Variants in GIGYF2 observed in about 807,000 individuals in gnomAD.
GIGYF2 encodes the protein GRB10 interacting GYF protein 2.
In GIGYF2, 25 loss-of-function variants were observed where a neutral mutation model predicts 208.1. That is an observed-to-expected ratio of 0.12 (90% CI 0.09 to 0.17). The LOEUF (loss-of-function observed/expected upper bound fraction) is 0.17. GIGYF2 is among the 10% of genes least tolerant of loss of function. The pLI is 1.00. For synonymous variants in GIGYF2, 534 were observed against 543.8 expected (o/e 0.98, Z 0.25); for missense variants, 1,302 against 1,579.4 (o/e 0.82, Z 2.98).
intron 12 of GIGYF2, among the ~76,000 whole-genome samples, chr2:232,791,739 G>A (rs1293708681): frequency 1.3e-5 from 2 of 152,126 alleles, no homozygotes; most frequent in Admixed American, 1.3e-4. Flanking sequence ...CATAGCCTTT[G>A]CATTAGTTTG....
At chr2:232,786,938 T>A (rs1202132788) in intron 8 of GIGYF2, among the ~76,000 whole-genome samples, 1 of 152,168 alleles carries the variant, frequency 6.6e-6, no homozygotes, top group East Asian at 1.9e-4. Context: ...TTACATAATA[T>A]TTTTGTTTAA....
intron 9 of GIGYF2, among the ~76,000 whole-genome samples, chr2:232,790,203 G>C (rs189024972): frequency 6.6e-6 from 1 of 152,242 alleles, no homozygotes; most frequent in East Asian, 1.9e-4. Context: ...TTAATAAATA[G>C]TCATGATGAG....
In GIGYF2 at chr2:232,733,635, G is replaced by C. The variant is rs73995896; in HGVS notation, c.-43-1520G>C. On this transcript the variant is annotated intron_variant, in intron 2 of 28. Coordinates refer to ENST00000373563, the MANE Select transcript of GIGYF2 (RefSeq NM_001103146.3). ...TTTTACAGTATACAGTTGTCCCTCA[G>C]TATCCATGGGGATTCATTCTAGGAT... is the stretch of plus-strand genomic sequence containing the variant. 2.6e-5 allele frequency among the ~76,000 whole-genome samples: 4 copies of C among 152,240 alleles called. No individual in the cohort carries two copies. The East Asian group carries it at 7.7e-4, about 29-fold the overall frequency.
chr2:232,769,080 C>T (rs574577412), intron 8 of GIGYF2, among the ~76,000 whole-genome samples: 2 of 152,224 alleles, frequency 1.3e-5, no homozygotes, highest in Admixed American at 1.3e-4. Flanking sequence ...CCTCTAGTTT[C>T]TTACAAAGTC....
intron 2 of GIGYF2, among the ~76,000 whole-genome samples, chr2:232,733,149 C>T (rs1464824311): frequency 2.0e-5 from 3 of 150,822 alleles, no homozygotes; most frequent in African/African-American, 4.9e-5. Context: ...CCCAGCTACT[C>T]GGGAGGCTGA....
At chr2:232,754,028 G>A (rs991844134) in intron 5 of GIGYF2, among the ~76,000 whole-genome samples, 2 of 152,086 alleles carry the variant, frequency 1.3e-5, no homozygotes, top group Admixed American at 1.3e-4. Context: ...AGCCAGGCAT[G>A]GTGGCATGCG....
chr2:232,785,079 ACTT>A (rs151081962), intron 8 of GIGYF2, among the ~76,000 whole-genome samples: 14,149 of 149,166 alleles, frequency 0.095, 902 homozygotes, highest in East Asian at 0.17. Flanking sequence ...CAAATAAACA[ACTT>A]CTTCTTCTTT....
Position 232,859,958 on chromosome 2 carries a change from C to CGTAGT in GIGYF2, c.*3098_*3099insGTAGT. ...GTGTTGCATCAAAGTAGTCACAAAC[C>CGTAGT]CACTCAGATTCAAGAGAAGGGAGCA... On this transcript the variant is annotated 3_prime_UTR_variant, in exon 29 of 29. Coordinates refer to ENST00000373563, the MANE Select transcript of GIGYF2 (RefSeq NM_001103146.3). The CGTAGT allele has an allele frequency of 6.6e-6, 1 of 152,034 alleles. No individual in the cohort carries two copies. Among genetic ancestry groups the CGTAGT allele is most frequent in the East Asian group, 1.9e-4 (1 of 5,190 alleles). The allele number at this position is 152,034 out of a possible 1,614,324, so 9.4% of individuals were successfully genotyped here. A position where few individuals can be genotyped will look rare whatever the true frequency, so the allele number is the denominator to read the frequency against.
intron 21 of GIGYF2, among the ~76,000 whole-genome samples, chr2:232,831,290 T>C (rs1206111445): frequency 1.3e-5 from 2 of 152,242 alleles, no homozygotes; most frequent in Admixed American, 1.3e-4. Context: ...TTGCTTACTT[T>C]TGCCTGTGTT....
intron 2 of GIGYF2, among the ~76,000 whole-genome samples, chr2:232,704,554 G>A (rs191597978): frequency 1.1e-4 from 16 of 152,014 alleles, no homozygotes; most frequent in African/African-American, 3.6e-4. Context: ...ACAGGTATTC[G>A]CCACCACACC....
At chr2:232,846,576 C>T (rs1702011780) in intron 26 of GIGYF2, among the ~76,000 whole-genome samples, 2 of 152,174 alleles carry the variant, frequency 1.3e-5, no homozygotes, top group Non-Finnish European at 2.9e-5. Context: ...TAAAGAGTTC[C>T]TTTGCAGCAG....
At chr2:232,724,353 G>A (rs1697095659) in intron 2 of GIGYF2, among the ~76,000 whole-genome samples, 3 of 151,500 alleles carry the variant, frequency 2.0e-5, no homozygotes, top group Non-Finnish European at 4.4e-5. Flanking sequence ...CAACTGTGCT[G>A]GCCTCACATG....
chr2:232,787,373 G>T, intron 9 of GIGYF2, 44 bp downstream of exon 9: 1 of 1,539,286 alleles, frequency 6.5e-7, no homozygotes, highest in Non-Finnish European at 9.0e-7. Flanking sequence ...CTGAAATAAG[G>T]GAAAGTTTGA....
At chr2:232,699,024 C>T (rs1695729519) in intron 1 of GIGYF2, among the ~76,000 whole-genome samples, 1 of 151,976 alleles carries the variant, frequency 6.6e-6, no homozygotes, top group African/African-American at 2.4e-5. Context: ...CATTTCTAGA[C>T]AGATAAATAG....
intron 25 of GIGYF2, among the ~76,000 whole-genome samples, chr2:232,845,461 T>C (rs534105812): frequency 6.6e-6 from 1 of 152,190 alleles, no homozygotes; most frequent in African/African-American, 2.4e-5. Flanking sequence ...TTAGTAAAAT[T>C]AAACAACTTA....
chr2:232,745,450 A>T (rs987126605), intron 3 of GIGYF2, among the ~76,000 whole-genome samples: 1 of 152,200 alleles, frequency 6.6e-6, no homozygotes, highest in African/African-American at 2.4e-5. Context: ...CCCACTCTTC[A>T]AAGATGAGAC....
At chr2:232,808,944 CAT>C (rs762714657) in intron 15 of GIGYF2, among the ~76,000 whole-genome samples, 2 of 151,738 alleles carry the variant, frequency 1.3e-5, no homozygotes, top group East Asian at 1.9e-4. Flanking sequence ...TATATACATA[CAT>C]ATATATATAT....
At chr2:232,755,132 AAT>A (rs1224182067) in intron 5 of GIGYF2, among the ~76,000 whole-genome samples, 1 of 152,140 alleles carries the variant, frequency 6.6e-6, no homozygotes, top group African/African-American at 2.4e-5. Context: ...TTTGGACTAA[AAT>A]ATTAGTTGAA....
chr2:232,752,280 A>G (rs895274224), intron 5 of GIGYF2, among the ~76,000 whole-genome samples: 1 of 152,212 alleles, frequency 6.6e-6, no homozygotes, highest in African/African-American at 2.4e-5. Context: ...TTCCTAGACT[A>G]GAGTTTTGTA....
Sources: allele counts gnomAD v4.1 joint callset (sites outside exome capture counted in the v4.1 genomes callset), GRCh38; gene constraint gnomAD v4.1.1; transcripts MANE v1.5; gene names NCBI Gene and HGNC (gene_info 2026-07-23, HGNC 2026-07-21).